The following TMEM117 variants were observed in gnomAD, a reference collection of about 807,000 sequenced individuals.
The protein encoded by TMEM117 is transmembrane protein 117.
In TMEM117, 27 loss-of-function variants were observed where a neutral mutation model predicts 52.4. The observed-to-expected ratio is 0.51, with a 90% confidence interval of 0.38 to 0.71. TMEM117 has a LOEUF of 0.71. Among genes scored for constraint, TMEM117 ranks in the 30% least tolerant of loss-of-function variants. TMEM117 has a pLI of 0.00. For synonymous variants in TMEM117, 215 were observed against 206.3 expected (o/e 1.04, Z -0.36); for missense variants, 556 against 630.5 (o/e 0.88, Z 1.26).
At chr12:43,959,942 A>G (rs1408034839) in intron 3 of TMEM117, among the ~76,000 whole-genome samples, 1 of 152,196 alleles carries the variant, frequency 6.6e-6, no homozygotes, top group Non-Finnish European at 1.5e-5. Context: ...TGGGTAAAGA[A>G]TGGACGACTG....
intron 3 of TMEM117, among the ~76,000 whole-genome samples, chr12:44,099,240 AT>A (rs1307672507): frequency 6.6e-6 from 1 of 151,728 alleles, no homozygotes. Flanking sequence ...TTTTCTTGGT[AT>A]CAGCATTTTT....
At chr12:44,364,796 C>A (rs535094486) in intron 6 of TMEM117, among the ~76,000 whole-genome samples, 1 of 152,060 alleles carries the variant, frequency 6.6e-6, no homozygotes, top group South Asian at 2.1e-4. Flanking sequence ...AAGTCATATA[C>A]GTAACATAAA....
intron 5 of TMEM117, among the ~76,000 whole-genome samples, chr12:44,256,861 TATA>T (rs923668396): frequency 9.2e-5 from 14 of 151,950 alleles, no homozygotes; most frequent in Admixed American, 9.2e-4. Flanking sequence ...TGTCTCAGTA[TATA>T]ATGATTGTTT....
chr12:44,134,802 T>C (rs867696855), intron 3 of TMEM117, among the ~76,000 whole-genome samples: 1 of 152,068 alleles, frequency 6.6e-6, no homozygotes, highest in African/African-American at 2.4e-5. Flanking sequence ...ATATTTACAA[T>C]GCTTTTCATT....
At chr12:44,064,084 C>T (rs943249551) in intron 3 of TMEM117, among the ~76,000 whole-genome samples, 13 of 151,832 alleles carry the variant, frequency 8.6e-5, no homozygotes, top group African/African-American at 2.9e-4. Context: ...TGGAGAGAGA[C>T]CTACATCTGG....
At chr12:43,885,514 C>G (rs368031510) in intron 2 of TMEM117, among the ~76,000 whole-genome samples, 1 of 146,162 alleles carries the variant, frequency 6.8e-6, no homozygotes, top group Non-Finnish European at 1.5e-5. Flanking sequence ...ATTAGGGAAA[C>G]GCAGCCAAGA....
At chr12:44,091,836 T>C (rs1207147132) in intron 3 of TMEM117, among the ~76,000 whole-genome samples, 3 of 152,232 alleles carry the variant, frequency 2.0e-5, no homozygotes, top group African/African-American at 7.2e-5. Context: ...TCTGTTAGCC[T>C]CGAGAAAAAT....
At chr12:43,900,128 C>G (rs891791956) in intron 2 of TMEM117, among the ~76,000 whole-genome samples, 9 of 152,308 alleles carry the variant, frequency 5.9e-5, no homozygotes, top group African/African-American at 2.2e-4. Flanking sequence ...CAGTAAAAAT[C>G]TACTGGTGGG....
At chr12:44,304,544 C>T (rs1407949984) in intron 6 of TMEM117, among the ~76,000 whole-genome samples, 2 of 152,158 alleles carry the variant, frequency 1.3e-5, no homozygotes, top group East Asian at 1.9e-4. Context: ...TAGTGCAGCT[C>T]ACAGCTCCAG....
chr12:44,239,097 C>G (rs570304154), intron 5 of TMEM117, among the ~76,000 whole-genome samples: 2 of 152,080 alleles, frequency 1.3e-5, no homozygotes, highest in Non-Finnish European at 2.9e-5. Context: ...AAATATATTT[C>G]CTTATTTATT....
chr12:44,187,080 A>G (rs187792555), intron 4 of TMEM117, among the ~76,000 whole-genome samples: 3 of 152,284 alleles, frequency 2.0e-5, no homozygotes, highest in Admixed American at 1.3e-4. Context: ...CTCAAGGCAG[A>G]CAAGTTTTCT....
intron 5 of TMEM117, among the ~76,000 whole-genome samples, chr12:44,239,933 C>A (rs971464197): frequency 6.6e-6 from 1 of 151,978 alleles, no homozygotes; most frequent in South Asian, 2.1e-4. Context: ...CAAATAAATA[C>A]TGGTAATTTC....
chr12:44,139,609 C>T (rs1301838501), intron 3 of TMEM117, among the ~76,000 whole-genome samples: 5 of 151,808 alleles, frequency 3.3e-5, no homozygotes, highest in Non-Finnish European at 7.4e-5. Flanking sequence ...TCAATAGTTA[C>T]TTAGAAGGCT....
chr12:44,332,733 A>ACACACACACACT (rs1951288318), intron 6 of TMEM117, among the ~76,000 whole-genome samples: 1 of 151,580 alleles, frequency 6.6e-6, no homozygotes, highest in African/African-American at 2.4e-5. Flanking sequence ...ACACACACAC[A>ACACACACACACT]CACACACACA....
intron 3 of TMEM117, among the ~76,000 whole-genome samples, chr12:44,130,294 A>G (rs760501224): frequency 2.6e-5 from 4 of 152,198 alleles, no homozygotes; most frequent in Admixed American, 2.0e-4. Context: ...TCATGTTATC[A>G]TCACTGATGT....
intron 3 of TMEM117, chr12:44,009,977 T>G: frequency 3.4e-6 from 1 of 296,802 alleles, no homozygotes; most frequent in Non-Finnish European, 6.8e-6. Context: ...CTTCATCGTA[T>G]CAGAAGGTCT....
At chr12:44,077,271 C>T (rs1947397142) in intron 3 of TMEM117, among the ~76,000 whole-genome samples, 2 of 152,168 alleles carry the variant, frequency 1.3e-5, no homozygotes, top group African/African-American at 2.4e-5. Flanking sequence ...GGCATTGCCA[C>T]AGGTACAACT....
chr12:44,254,597 C>A (rs531571172), intron 5 of TMEM117, among the ~76,000 whole-genome samples: 1 of 151,270 alleles, frequency 6.6e-6, no homozygotes, highest in East Asian at 1.9e-4. Context: ...ATAGTCATAC[C>A]CTTGATTCAG....
At chr12:43,886,007 A>C (rs1943987263) in intron 2 of TMEM117, among the ~76,000 whole-genome samples, 1 of 152,232 alleles carries the variant, frequency 6.6e-6, no homozygotes, top group African/African-American at 2.4e-5. Context: ...GTTGGGATAG[A>C]GATAAAGGCA....
Sources: gnomAD v4.1 joint callset for allele counts (sites outside exome capture counted in the v4.1 genomes callset) on GRCh38, gnomAD v4.1.1 for gene constraint, MANE v1.5 for transcripts, NCBI Gene and HGNC (gene_info 2026-07-23, HGNC 2026-07-21) for gene names.